The following GALNT13 variants were observed in gnomAD, a reference collection of about 807,000 sequenced individuals.
The protein encoded by GALNT13 is UDP-GalNAc:polypeptide N-acetylgalactosaminyltransferase 13.
GALNT13 carries 28 observed loss-of-function variants against 64.2 expected under a neutral mutation model. The observed-to-expected ratio is 0.44, with a 90% CI of 0.32 to 0.60. The LOEUF is 0.60. Ranked by LOEUF, GALNT13 falls within the 20% of genes least tolerant of loss-of-function variation. The probability of loss-of-function intolerance (pLI) is 0.05; values close to 1 mark genes in which losing one functional copy is unlikely to be tolerated. For missense variants in GALNT13, 577 were observed against 669.8 expected (o/e 0.86, Z 1.53); for synonymous variants, 214 against 224.6 (o/e 0.95, Z 0.42).
At chr2:153,585,791 G>GA in the GALNT13 span, among the ~76,000 whole-genome samples, 592 of 148,796 alleles carry the variant, frequency 4.0e-3, 2 homozygotes, top group Middle Eastern at 6.9e-3. Context: ...AGTACTGACA[G>GA]AAAAAAAAAC....
the GALNT13 span, among the ~76,000 whole-genome samples, chr2:153,780,234 T>TATATATATATATATATATGC: frequency 2.8e-3 from 29 of 10,534 alleles, no homozygotes; most frequent in African/African-American, 5.6e-3. Context: ...TATATATATA[T>TATATATATATATATATATGC]ATATATATAT....
At chr2:154,432,384 A>G (rs1042803571) in intron 11 of GALNT13, among the ~76,000 whole-genome samples, 4 of 152,214 alleles carry the variant, frequency 2.6e-5, no homozygotes, top group Non-Finnish European at 5.9e-5. Flanking sequence ...AAATTTGCAA[A>G]GACACTTTGG....
intron 3 of GALNT13, among the ~76,000 whole-genome samples, chr2:154,025,879 A>G (rs1381925062): frequency 6.6e-6 from 1 of 152,136 alleles, no homozygotes; most frequent in African/African-American, 2.4e-5. Flanking sequence ...GAGTCTCAAT[A>G]TATGAATAAA....
At chr2:153,565,983 C>T in the GALNT13 span, among the ~76,000 whole-genome samples, 131 of 152,134 alleles carry the variant, frequency 8.6e-4, 1 homozygote, top group African/African-American at 3.1e-3. Context: ...ATGTGTTCTA[C>T]TGAACGCTTT....
the GALNT13 span, among the ~76,000 whole-genome samples, chr2:153,622,213 C>T: frequency 2.6e-5 from 4 of 152,014 alleles, no homozygotes; most frequent in Admixed American, 6.6e-5. Context: ...ATAGTTCTCT[C>T]TAACACACAC....
At chr2:154,308,256 T>G (rs548400943) in intron 9 of GALNT13, among the ~76,000 whole-genome samples, 1 of 152,254 alleles carries the variant, frequency 6.6e-6, no homozygotes, top group South Asian at 2.1e-4. Context: ...GAACTTACTT[T>G]GAAGGTTAAC....
rs1275116491 is a variant in GALNT13 at position 154,098,336 on chromosome 2, A to C, written c.143-42001A>C. 3.3e-5 allele frequency among the ~76,000 whole-genome samples: 5 copies of C among 151,666 alleles called. No homozygotes were observed. The East Asian group carries it at 9.7e-4, about 29-fold the overall frequency. The stretch of plus-strand genomic sequence containing the variant: ...CTCCTTCTATTATAAAACCTTTTGA[A>C]TGGATTATTTTTTTTTCTTCGTACT... On this transcript the variant is annotated intron_variant, in intron 3 of 12. Transcript: ENST00000392825.
chr2:153,363,542 A>T, the GALNT13 span, among the ~76,000 whole-genome samples: 3 of 152,206 alleles, frequency 2.0e-5, no homozygotes, highest in African/African-American at 7.2e-5. Context: ...ATAAAAAATG[A>T]TAAAGGGGAT....
At chr2:153,299,872 G>A in the GALNT13 span, among the ~76,000 whole-genome samples, 1 of 152,170 alleles carries the variant, frequency 6.6e-6, no homozygotes, top group African/African-American at 2.4e-5. Context: ...CTGCCCATTG[G>A]TAGTCTTTTG....
chr2:153,910,367 A>G (rs1688857317), intron 2 of GALNT13, among the ~76,000 whole-genome samples: 1 of 151,282 alleles, frequency 6.6e-6, no homozygotes, highest in African/African-American at 2.4e-5. Context: ...CATCTTTTTA[A>G]TTTTCTCAAA....
At chr2:153,863,196 T>C in the GALNT13 span, among the ~76,000 whole-genome samples, 1 of 152,206 alleles carries the variant, frequency 6.6e-6, no homozygotes, top group South Asian at 2.1e-4. Flanking sequence ...TACATTATGT[T>C]ACATATAAAT....
At chr2:154,335,628 C>T (rs972468097) in intron 9 of GALNT13, among the ~76,000 whole-genome samples, 8 of 151,930 alleles carry the variant, frequency 5.3e-5, no homozygotes, top group Non-Finnish European at 1.0e-4. Flanking sequence ...GAGGAAAAAA[C>T]AACGTATATA....
chr2:153,702,305 T>G, the GALNT13 span, among the ~76,000 whole-genome samples: 1 of 151,810 alleles, frequency 6.6e-6, no homozygotes, highest in African/African-American at 2.4e-5. Context: ...TGAGAACACA[T>G]GAACCCAGGG....
chr2:153,657,634 A>G, the GALNT13 span, among the ~76,000 whole-genome samples: 4 of 152,130 alleles, frequency 2.6e-5, no homozygotes, highest in East Asian at 3.9e-4. Flanking sequence ...CATTATCTCT[A>G]TAGATATCAT....
chr2:154,372,556 CATG>C (rs1382431037), intron 9 of GALNT13, among the ~76,000 whole-genome samples: 7 of 152,080 alleles, frequency 4.6e-5, no homozygotes, highest in African/African-American at 1.7e-4. Context: ...TCAACTAAAT[CATG>C]ATACTTCTAT....
chr2:153,552,281 T>A, the GALNT13 span, among the ~76,000 whole-genome samples: 1 of 152,008 alleles, frequency 6.6e-6, no homozygotes, highest in Non-Finnish European at 1.5e-5. Flanking sequence ...CTATAAAGGG[T>A]AAAATAGAAA....
chr2:153,212,663 T>G, the GALNT13 span, among the ~76,000 whole-genome samples: 1 of 152,180 alleles, frequency 6.6e-6, no homozygotes, highest in Non-Finnish European at 1.5e-5. Context: ...TTGTATGCTG[T>G]CTTTTCATAA....
the GALNT13 span, among the ~76,000 whole-genome samples, chr2:153,398,251 CTCA>C: frequency 6.6e-6 from 1 of 152,156 alleles, no homozygotes; most frequent in Non-Finnish European, 1.5e-5. Flanking sequence ...AGGACATAAA[CTCA>C]TCATTTTTTG....
At chr2:153,630,040 A>G in the GALNT13 span, among the ~76,000 whole-genome samples, 8 of 146,010 alleles carry the variant, frequency 5.5e-5, no homozygotes, top group Admixed American at 3.4e-4. Flanking sequence ...ACACTTTTAC[A>G]CTGTTGGTGG....
Sources: gnomAD v4.1 joint callset for allele counts (sites outside exome capture counted in the v4.1 genomes callset) on GRCh38, gnomAD v4.1.1 for gene constraint, MANE v1.5 for transcripts, NCBI Gene and HGNC (gene_info 2026-07-23, HGNC 2026-07-21) for gene names.